Variants in VWC2L observed in about 807,000 individuals in gnomAD.
VWC2L encodes von Willebrand factor C domain containing 2 like.
Under a neutral mutation model 21.6 loss-of-function variants are expected in VWC2L, and 10 were observed. That is an observed-to-expected ratio of 0.46 (90% CI 0.29 to 0.78). The LOEUF (loss-of-function observed/expected upper bound fraction) is 0.78, where lower values mean the gene tolerates loss of function less well. VWC2L is among the 30% of genes least tolerant of loss of function. The pLI is 0.10. For synonymous variants in VWC2L, 96 were observed against 94.3 expected (o/e 1.02, Z -0.10); for missense variants, 209 against 277.1 (o/e 0.75, Z 1.74).
intron 3 of VWC2L, among the ~76,000 whole-genome samples, chr2:214,488,729 G>A (rs1348044509): frequency 6.6e-6 from 1 of 152,194 alleles, no homozygotes; most frequent in Non-Finnish European, 1.5e-5. Context: ...CTGCTGCCTG[G>A]AGGACTGGGC....
chr2:214,575,324 C>T (rs1690212677), intron 3 of VWC2L, among the ~76,000 whole-genome samples: 1 of 152,158 alleles, frequency 6.6e-6, no homozygotes, highest in Non-Finnish European at 1.5e-5. Context: ...TGTTTCAGAG[C>T]ATACGCTGGC....
intron 3 of VWC2L, among the ~76,000 whole-genome samples, chr2:214,498,604 T>G (rs965774211): frequency 4.0e-5 from 6 of 151,156 alleles, no homozygotes; most frequent in African/African-American, 1.5e-4. Context: ...ATATGTTCTA[T>G]GTTCCTAGTA....
intron 2 of VWC2L, among the ~76,000 whole-genome samples, chr2:214,419,874 C>T (rs1313152713): frequency 3.3e-5 from 5 of 152,220 alleles, no homozygotes; most frequent in African/African-American, 4.8e-5. Context: ...GCCTGGCCAA[C>T]ATGGTGAAAC....
rs1042112418 is a variant in VWC2L at position 214,578,135 on chromosome 2, A to C, written c.*2315A>C. 6.6e-6 allele frequency: 1 copy of C among 152,182 alleles called. No homozygotes were observed. The highest frequency in any genetic ancestry group is 2.4e-5 in the African/African-American group (1 of 41,446). 9.4% of individuals were successfully genotyped at this position (152,182 alleles called of 1,614,324 possible). ...AAAATCCACACTCTTGGAAAGAAATAATAATAATAAATGACAGGAATAAGG... is the reference window on the plus strand; with the variant it reads ...AAAATCCACACTCTTGGAAAGAAATCATAATAATAAATGACAGGAATAAGG... On this transcript the variant is annotated 3_prime_UTR_variant, in exon 4 of 4. Coordinates refer to ENST00000312504, the MANE Select transcript of VWC2L (RefSeq NM_001080500.4).
chr2:214,511,289 G>C (rs1689048601), intron 3 of VWC2L, among the ~76,000 whole-genome samples: 1 of 152,116 alleles, frequency 6.6e-6, no homozygotes, highest in South Asian at 2.1e-4. Flanking sequence ...AATTGTTAAA[G>C]TGACCAAAAA....
chr2:214,475,311 T>C (rs1170106016), intron 3 of VWC2L, among the ~76,000 whole-genome samples: 2 of 152,158 alleles, frequency 1.3e-5, no homozygotes, highest in African/African-American at 4.8e-5. Context: ...AGGGCTTGTA[T>C]TATTTGAACA....
At chr2:214,455,220 T>C (rs1302240940) in intron 3 of VWC2L, among the ~76,000 whole-genome samples, 1 of 152,164 alleles carries the variant, frequency 6.6e-6, no homozygotes, top group African/African-American at 2.4e-5. Context: ...AATTTCAGTT[T>C]CCTTTGTAAA....
chr2:214,562,386 T>C (rs78638541), intron 3 of VWC2L, among the ~76,000 whole-genome samples: 9 of 152,234 alleles, frequency 5.9e-5, no homozygotes, highest in Non-Finnish European at 1.2e-4. Flanking sequence ...CTTTATCCAA[T>C]CTATCATTGA....
chr2:214,478,296 C>T (rs71428337), intron 3 of VWC2L, among the ~76,000 whole-genome samples: 2,927 of 152,080 alleles, frequency 0.019, 61 homozygotes, highest in Admixed American at 0.069. Flanking sequence ...CTGACCAACA[C>T]GGTGAAACCC....
At chr2:214,417,837 A>C (rs1051393455) in intron 2 of VWC2L, among the ~76,000 whole-genome samples, 1 of 152,222 alleles carries the variant, frequency 6.6e-6, no homozygotes, top group Non-Finnish European at 1.5e-5. Context: ...CACAGAATTG[A>C]ATAGAAGTAA....
At chr2:214,506,979 T>TA (rs35092603) in intron 3 of VWC2L, among the ~76,000 whole-genome samples, 132,645 of 151,902 alleles carry the variant, frequency 0.87, 60,604 homozygotes, top group Non-Finnish European at 1. Context: ...TTCTAATTTT[T>TA]AAAAAATGTT....
At chr2:214,557,392 C>A (rs1559330195) in intron 3 of VWC2L, among the ~76,000 whole-genome samples, 1 of 152,174 alleles carries the variant, frequency 6.6e-6, no homozygotes, top group East Asian at 1.9e-4. Context: ...CACCAGTTCC[C>A]TACCACAACA....
chr2:214,456,680 A>G (rs1328911639), intron 3 of VWC2L, among the ~76,000 whole-genome samples: 1 of 152,058 alleles, frequency 6.6e-6, no homozygotes, highest in Non-Finnish European at 1.5e-5. Context: ...CTTTTCCCCT[A>G]TGATTTCTTC....
intron 3 of VWC2L, among the ~76,000 whole-genome samples, chr2:214,549,687 C>A (rs894650513): frequency 2.6e-5 from 4 of 152,186 alleles, no homozygotes; most frequent in Admixed American, 6.5e-5. Flanking sequence ...GCAGGAGAAT[C>A]ATTTGAACCC....
intron 3 of VWC2L, among the ~76,000 whole-genome samples, chr2:214,542,092 T>C (rs1399008801): frequency 2.0e-5 from 3 of 152,190 alleles, no homozygotes; most frequent in Admixed American, 1.3e-4. Flanking sequence ...ACAGTCTGCC[T>C]GGCTGTAATG....
At chr2:214,415,198 CTG>C (rs1300908091) in intron 2 of VWC2L, 6 of 152,124 alleles carry the variant, frequency 3.9e-5, no homozygotes, top group South Asian at 2.1e-4. Flanking sequence ...GTAAAAAAGA[CTG>C]TAATTTTTTT....
chr2:214,572,037 C>T (rs954113852), intron 3 of VWC2L, among the ~76,000 whole-genome samples: 3 of 152,150 alleles, frequency 2.0e-5, no homozygotes, highest in Non-Finnish European at 2.9e-5. Context: ...CTGCCTCAGC[C>T]TCCTAAAGTG....
At chr2:214,513,439 T>C (rs1415170634) in intron 3 of VWC2L, among the ~76,000 whole-genome samples, 1 of 152,138 alleles carries the variant, frequency 6.6e-6, no homozygotes, top group Non-Finnish European at 1.5e-5. Context: ...ATGATTCATT[T>C]TACCATTAGG....
At chr2:214,571,952 TTC>T (rs966105686) in intron 3 of VWC2L, among the ~76,000 whole-genome samples, 2 of 152,032 alleles carry the variant, frequency 1.3e-5, no homozygotes, top group African/African-American at 2.4e-5. Context: ...ACTCCTGGCT[TTC>T]TGTTTTTGGT....
Sources: allele counts gnomAD v4.1 joint callset (sites outside exome capture counted in the v4.1 genomes callset), GRCh38; gene constraint gnomAD v4.1.1; transcripts MANE v1.5; gene names NCBI Gene and HGNC (gene_info 2026-07-23, HGNC 2026-07-21).